Variants in IL27 observed in about 807,000 individuals in gnomAD.
IL27 encodes interleukin-27 subunit alpha.
IL27 carries 11 observed loss-of-function variants against 27.0 expected under a neutral mutation model. The ratio of observed to expected loss-of-function variants is 0.41; its 90% CI spans 0.26 to 0.67. The LOEUF (loss-of-function observed/expected upper bound fraction) is 0.67, where lower values mean the gene tolerates loss of function less well. Ranked by LOEUF, IL27 falls within the 30% of genes least tolerant of loss-of-function variation. The pLI is 0.34. For missense variants in IL27, 299 were observed against 310.4 expected, an observed-to-expected ratio of 0.96 and a Z score of 0.28; for synonymous variants, 134 against 140.6, an observed-to-expected ratio of 0.95 and a Z score of 0.33.
Position 28,499,563 on chromosome 16 carries a change from A to C in IL27, c.*88T>G, listed in dbSNP as rs920588863. 4 of 1,091,586 alleles carry C rather than the reference A, an allele frequency of 3.7e-6. No homozygotes were observed. The highest frequency in any genetic ancestry group is 5.3e-6 in the Non-Finnish European group (4 of 751,220). 67.6% of individuals were successfully genotyped at this position (1,091,586 alleles called of 1,614,324 possible). A position where few individuals can be genotyped will look rare whatever the true frequency, so the allele number is the denominator to read the frequency against. ...GGCTGGAAGAGCCCTCCCTTGTCCA[A>C]GGCTGATGATGCGAAGGCTGCCCTG... On this transcript the variant is annotated 3_prime_UTR_variant, in exon 5 of 5. Transcript: ENST00000356897.
In IL27 at chr16:28,501,966, C is replaced by T. The variant is rs562619133; in HGVS notation, c.462+10G>A. The T allele has an allele frequency of 1.8e-5, 29 of 1,598,786 alleles. No individual in the cohort carries two copies. Among genetic ancestry groups the T allele is most frequent in the East Asian group, 4.5e-5 (2 of 44,690 alleles). On this transcript the variant is annotated intron_variant, in intron 4 of 4. Coordinates refer to ENST00000356897, the MANE Select transcript of IL27 (RefSeq NM_145659.3). The stretch of plus-strand genomic sequence containing the variant: ...GTGGTCTGGGGTGGTGGAGGGTGGC[C>T]GGGCTCTACCTGGAAGCGGAGGTGC...
chr16:28,500,026 A>G (rs773428540), intron 4 of IL27, 106 bp from the exon 5 acceptor site: 10 of 1,376,590 alleles, frequency 7.3e-6, no homozygotes, highest in Admixed American at 2.7e-5. Context: ...AGTGACCACA[A>G]GGTCATGATT....
At chr16:28,503,624 C>A in intron 3 of IL27, 71 bp downstream of exon 3, 1 of 1,135,540 alleles carries the variant, frequency 8.8e-7, no homozygotes, top group South Asian at 1.5e-5. Flanking sequence ...AGCTCAATCT[C>A]CAGCCTCATC....
chr16:28,504,111 C>G (rs933076440), intron 1 of IL27, 61 bp from the exon 2 acceptor site: 58 of 1,501,392 alleles, frequency 3.9e-5, no homozygotes, highest in Non-Finnish European at 5.1e-5. Flanking sequence ...AGGGAACATG[C>G]CTTTTCTGAG....
intron 4 of IL27, among the ~76,000 whole-genome samples, chr16:28,500,421 C>T (rs1331184360): frequency 6.6e-6 from 1 of 152,018 alleles, no homozygotes; most frequent in Non-Finnish European, 1.5e-5. Flanking sequence ...ACTACAGACG[C>T]GCACCACCAC....
At position 28,503,908 on chromosome 16, in the gene IL27, G is replaced by T. The variant is rs1220492574; in HGVS notation, c.174C>A (p.Leu58=). ...TVSLHLARKL[L]SEVRGQAHRF... ...GGTGGGCCTGGCCCCGAACCTCGGA[G>T]AGCAGCTTCCTGGCGAGATGCAGGC... The change falls in exon 2 of 5, where the codon CTC becomes CTA. Residue 58 remains leucine (L), a synonymous_variant. Transcript: ENST00000356897. The T allele has an allele frequency of 6.2e-7, 1 of 1,614,108 alleles. No individual in the cohort carries two copies. The highest frequency in any genetic ancestry group is 1.7e-5 in the Admixed American group (1 of 60,008).
chr16:28,501,814 C>T (rs1253949444), intron 4 of IL27, among the ~76,000 whole-genome samples, 162 bp downstream of exon 4: 1 of 151,928 alleles, frequency 6.6e-6, no homozygotes, highest in Non-Finnish European at 1.5e-5. Flanking sequence ...CACTTACGGA[C>T]CCACACAGTC....
intron 1 of IL27, 87 bp downstream of exon 1, chr16:28,506,694 G>T: frequency 7.5e-7 from 1 of 1,342,060 alleles, no homozygotes; most frequent in Non-Finnish European, 1.0e-6. Flanking sequence ...GCTGCTCTCA[G>T]CTCTCGACCC....
chr16:28,502,645 T>G (rs1306352235), intron 3 of IL27, among the ~76,000 whole-genome samples: 1 of 151,764 alleles, frequency 6.6e-6, no homozygotes, highest in Non-Finnish European at 1.5e-5. Context: ...ACGTTCACCC[T>G]CATCATCACC....
At chr16:28,503,283 T>C (rs978991074) in intron 3 of IL27, among the ~76,000 whole-genome samples, 2 of 151,948 alleles carry the variant, frequency 1.3e-5, no homozygotes, top group Admixed American at 6.6e-5. Context: ...TGAGACAGGG[T>C]TTCCCTCTGT....
chr16:28,503,075 GCC>G (rs2046441738), intron 3 of IL27, among the ~76,000 whole-genome samples: 1 of 152,150 alleles, frequency 6.6e-6, no homozygotes, highest in Non-Finnish European at 1.5e-5. Flanking sequence ...ACCCACATCA[GCC>G]TCCCACAGTG....
intron 1 of IL27, 133 bp downstream of exon 1, chr16:28,506,648 G>T: frequency 2.3e-6 from 2 of 885,820 alleles, no homozygotes; most frequent in Non-Finnish European, 3.5e-6. Context: ...CCCTTCCCAT[G>T]CAGCAGCCAG....
intron 4 of IL27, among the ~76,000 whole-genome samples, chr16:28,501,440 TCACACCCA>T (rs200390274): frequency 2.8e-5 from 4 of 143,516 alleles, no homozygotes; most frequent in Admixed American, 1.4e-4. Context: ...ACACTCACAG[TCACACCCA>T]CACACTCACA....
At chr16:28,501,625 ACACT>A (rs1272104681) in intron 4 of IL27, among the ~76,000 whole-genome samples, 24 of 149,054 alleles carry the variant, frequency 1.6e-4, no homozygotes, top group African/African-American at 3.2e-4. Context: ...ACAGACCCAC[ACACT>A]CACTCTCACA....
Position 28,503,894 on chromosome 16 carries a change from C to T in IL27, c.188G>A (p.Gly63Asp), listed in dbSNP as rs536519732. The change falls in exon 2 of 5, where the codon GGC (glycine) becomes GAC (aspartate). Residue 63 changes from glycine (G) to aspartate (D), a missense_variant. Physicochemically the swap from Gly to Asp is moderately conservative, Grantham distance 94. Transcript: ENST00000356897. ...GGGACTTACAAAGCGGTGGGCCTGG[C>T]CCCGAACCTCGGAGAGCAGCTTCCT... ...LARKLLSEVR[G>D]QAHRFAESHL... 9 of 1,614,042 alleles carry T rather than the reference C, an allele frequency of 5.6e-6. No homozygotes were observed. The highest frequency in any genetic ancestry group is 7.6e-6 in the Non-Finnish European group (9 of 1,180,020).
In IL27 at chr16:28,499,444, A is replaced by G. The variant is rs2046417800; in HGVS notation, c.*207T>C. On this transcript the variant is annotated 3_prime_UTR_variant, in exon 5 of 5. Transcript: ENST00000356897. ...CGGGCCCCAAGACAATAAATAAACC[A>G]TCATCTCCCTAAACAATAAATAAAT... The G allele has an allele frequency of 3.6e-6, 2 of 551,214 alleles. No homozygotes were observed. Among genetic ancestry groups the G allele is most frequent in the Non-Finnish European group, 6.5e-6 (2 of 308,800 alleles). 34.1% of individuals were successfully genotyped at this position (551,214 alleles called of 1,614,324 possible). A position where few individuals can be genotyped will look rare whatever the true frequency, so the allele number is the denominator to read the frequency against.
chr16:28,501,352 A>T (rs2046427753), intron 4 of IL27, among the ~76,000 whole-genome samples: 1 of 151,364 alleles, frequency 6.6e-6, no homozygotes, highest in South Asian at 2.1e-4. Context: ...TCTTACACTC[A>T]CAGTCCCATA....
chr16:28,505,072 C>T (rs1017300075), intron 1 of IL27, among the ~76,000 whole-genome samples: 2 of 152,222 alleles, frequency 1.3e-5, no homozygotes, highest in African/African-American at 2.4e-5. Flanking sequence ...CCAGGTTTTT[C>T]CAAATGCAGA....
intron 1 of IL27, among the ~76,000 whole-genome samples, chr16:28,504,636 G>A (rs1412729506): frequency 6.6e-6 from 1 of 151,154 alleles, no homozygotes; most frequent in African/African-American, 2.4e-5. Context: ...CCAGCCTGGA[G>A]TGTAGTGGTG....
Sources: gnomAD v4.1 joint callset for allele counts (sites outside exome capture counted in the v4.1 genomes callset) on GRCh38, gnomAD v4.1.1 for gene constraint, MANE v1.5 for transcripts, NCBI Gene and HGNC (gene_info 2026-07-23, HGNC 2026-07-21) for gene names.